The following CERS4 variants were observed in gnomAD, a reference collection of about 807,000 sequenced individuals.
CERS4 encodes LAG1 homolog, ceramide synthase 4.
CERS4 carries 65 observed loss-of-function variants against 51.8 expected under a neutral mutation model. That is an observed-to-expected ratio of 1.26 (90% confidence interval 1.03 to 1.54). The LOEUF (loss-of-function observed/expected upper bound fraction) is 1.54, where lower values mean the gene tolerates loss of function less well. Among genes scored for constraint, CERS4 ranks in the 40% most tolerant of loss-of-function variants. The probability of loss-of-function intolerance (pLI) is 0.00; values close to 1 mark genes in which losing one functional copy is unlikely to be tolerated. For synonymous variants in CERS4, 228 were observed against 208.4 expected (o/e 1.09, Z -0.81); for missense variants, 563 against 500.4 (o/e 1.13, Z -1.19).
At position 8,255,999 on chromosome 19, in the gene CERS4, C is replaced by T. The variant is rs149921379; in HGVS notation, c.468+120C>T. ...GGAAAACATGCAGCTGAGGAGAGAG[C>T]GAGCTTTGCAAGATGGTGGTGAATG... On this transcript the variant is annotated intron_variant, in intron 6 of 11. Coordinates refer to ENST00000251363, the MANE Select transcript of CERS4 (RefSeq NM_024552.3). 142 of 1,165,508 alleles carry T rather than the reference C, an allele frequency of 1.2e-4. No homozygotes were observed. The African/African-American group carries it at 1.5e-3, about 12-fold the overall frequency. The allele number at this position is 1,165,508 out of a possible 1,614,324, so 72.2% of individuals were successfully genotyped here.
intron 2 of CERS4, among the ~76,000 whole-genome samples, chr19:8,225,779 T>C (rs1167479785): frequency 6.6e-6 from 1 of 151,408 alleles, no homozygotes; most frequent in Non-Finnish European, 1.5e-5. Flanking sequence ...TCTGGGCCCA[T>C]GTCTGTCTGG....
At chr19:8,240,285 G>A (rs557650282) in intron 2 of CERS4, among the ~76,000 whole-genome samples, 9 of 152,060 alleles carry the variant, frequency 5.9e-5, no homozygotes, top group East Asian at 3.9e-4. Flanking sequence ...CAGGTAAGGC[G>A]GAACCTTGAA....
chr19:8,255,110 T>C (rs1002273863), intron 4 of CERS4, among the ~76,000 whole-genome samples: 1 of 152,118 alleles, frequency 6.6e-6, no homozygotes, highest in Non-Finnish European at 1.5e-5. Context: ...GGACAGGGTC[T>C]GTGCTGTGGA....
chr19:8,260,762 C>T (rs1469274337), intron 10 of CERS4, among the ~76,000 whole-genome samples: 3 of 151,122 alleles, frequency 2.0e-5, no homozygotes, highest in African/African-American at 7.3e-5. Flanking sequence ...CCAGCCTGGC[C>T]AACATGGCAA....
chr19:8,236,702 GA>G (rs56930869), intron 2 of CERS4, among the ~76,000 whole-genome samples: 2 of 24,130 alleles, frequency 8.3e-5, no homozygotes, highest in African/African-American at 1.7e-4. Context: ...AAAAAAAAAA[GA>G]AAGAAAGAAA....
chr19:8,236,061 T>C (rs552397288), intron 2 of CERS4, among the ~76,000 whole-genome samples: 1 of 152,196 alleles, frequency 6.6e-6, no homozygotes, highest in East Asian at 1.9e-4. Context: ...CTGGGCATGG[T>C]GGCGGGCACC....
At chr19:8,231,588 G>A (rs1034043745) in intron 2 of CERS4, among the ~76,000 whole-genome samples, 13 of 151,536 alleles carry the variant, frequency 8.6e-5, no homozygotes, top group Admixed American at 2.6e-4. Flanking sequence ...TTGCTCTGTC[G>A]CCCAGGCTGG....
chr19:8,241,588 C>T (rs1599557473), intron 2 of CERS4: 1 of 152,194 alleles, frequency 6.6e-6, no homozygotes, highest in East Asian at 1.9e-4. Flanking sequence ...TGAGCCACTG[C>T]ACTCGGTCCT....
At chr19:8,259,202 G>C (rs182276170) in intron 10 of CERS4, among the ~76,000 whole-genome samples, 1 of 152,298 alleles carries the variant, frequency 6.6e-6, no homozygotes, top group African/African-American at 2.4e-5. Flanking sequence ...TAGAATGGCA[G>C]GTAATGCCTC....
chr19:8,256,077 G>A (rs538959765), intron 6 of CERS4, 159 bp from the exon 7 acceptor site: 3 of 953,640 alleles, frequency 3.1e-6, no homozygotes, highest in African/African-American at 1.6e-5. Context: ...GGGTTCTGCA[G>A]TGAATGAGCC....
intron 2 of CERS4, among the ~76,000 whole-genome samples, chr19:8,212,025 G>A (rs1270560148): frequency 2.0e-5 from 3 of 152,020 alleles, no homozygotes; most frequent in Non-Finnish European, 2.9e-5. Flanking sequence ...GGTCGCTAAG[G>A]GTAAGGAGGA....
chr19:8,254,371 G>T, intron 3 of CERS4, 128 bp from the exon 4 acceptor site: 1 of 555,834 alleles, frequency 1.8e-6, no homozygotes, highest in Non-Finnish European at 3.3e-6. Context: ...TGTGCCAGCT[G>T]TGCTCTCTGA....
chr19:8,248,954 GTGGA>G (rs1168824286), intron 2 of CERS4, among the ~76,000 whole-genome samples: 1 of 151,670 alleles, frequency 6.6e-6, no homozygotes, highest in South Asian at 2.1e-4. Context: ...TGGATAATGG[GTGGA>G]TGGACAGATG....
chr19:8,225,838 T>C (rs1967764514), intron 2 of CERS4, among the ~76,000 whole-genome samples: 1 of 134,416 alleles, frequency 7.4e-6, no homozygotes, highest in Admixed American at 7.4e-5. Flanking sequence ...TGGCCATTTG[T>C]CAGCTATGTG....
At chr19:8,213,693 C>T (rs572456673) in intron 2 of CERS4, among the ~76,000 whole-genome samples, 7 of 150,704 alleles carry the variant, frequency 4.6e-5, no homozygotes, top group Admixed American at 1.3e-4. Context: ...AGGCCCGGCG[C>T]GGTGGCTCAC....
At position 8,256,724 on chromosome 19, in the gene CERS4, A is replaced by G. The variant is rs1387590361; in HGVS notation, c.612+14A>G. 1.2e-6 allele frequency: 2 copies of G among 1,608,782 alleles called. No homozygotes were observed. The highest frequency in any genetic ancestry group is 1.3e-5 in the African/African-American group (1 of 74,770). On this transcript the variant is annotated intron_variant, in intron 8 of 11. Transcript: ENST00000251363. ...GTCAAGCGCAAGGTGAGGCCAAATA[A>G]GAGTCTGGAAGACCCAGTCTCTGGC...
rs371171490 is a variant in CERS4 at position 8,216,505 on chromosome 19, G to C, written c.-2+5643G>C. Among the ~76,000 whole-genome samples, 7 of 151,750 alleles carry C rather than the reference G, an allele frequency of 4.6e-5. No individual in the cohort carries two copies. The South Asian group carries it at 8.3e-4, about 18-fold the overall frequency. ...ATTATCAAAATGCAGGGCCAGATCA[G>C]GTGGCTCATGCCTGTAATCCCAGCA... On this transcript the variant is annotated intron_variant, in intron 2 of 11. Transcript: ENST00000251363.
intron 3 of CERS4, among the ~76,000 whole-genome samples, chr19:8,252,997 A>C (rs1387549711): frequency 6.6e-6 from 1 of 152,222 alleles, no homozygotes; most frequent in Non-Finnish European, 1.5e-5. Context: ...GAGCCAATGT[A>C]TCACATGGAC....
At chr19:8,242,651 G>A (rs754849428) in intron 2 of CERS4, among the ~76,000 whole-genome samples, 10 of 152,128 alleles carry the variant, frequency 6.6e-5, no homozygotes, top group African/African-American at 2.2e-4. Context: ...GAAAGAAAGC[G>A]TTTAAGCTCT....
Sources: gnomAD v4.1 joint callset for allele counts (sites outside exome capture counted in the v4.1 genomes callset) on GRCh38, gnomAD v4.1.1 for gene constraint, MANE v1.5 for transcripts, NCBI Gene and HGNC (gene_info 2026-07-23, HGNC 2026-07-21) for gene names.